The following DAB1 variants were observed in gnomAD, a reference collection of about 807,000 sequenced individuals.
DAB1 encodes the protein disabled homolog 1.
Under a neutral mutation model 64.6 loss-of-function variants are expected in DAB1, and 15 were observed. The ratio of observed to expected loss-of-function variants is 0.23; its 90% CI spans 0.16 to 0.36. DAB1 has a LOEUF of 0.36. Ranked by LOEUF, DAB1 falls within the 10% of genes least tolerant of loss-of-function variation. The pLI is 1.00. For synonymous variants in DAB1, 235 were observed against 251.9 expected, an observed-to-expected ratio of 0.93 and a Z score of 0.64; for missense variants, 596 against 706.7, an observed-to-expected ratio of 0.84 and a Z score of 1.78.
At chr1:57,464,528 G>A (rs1014264283) in intron 7 of DAB1, among the ~76,000 whole-genome samples, 1 of 152,168 alleles carries the variant, frequency 6.6e-6, no homozygotes, top group Non-Finnish European at 1.5e-5. Context: ...TAATCTTCAT[G>A]AGGCACATCT....
At chr1:58,399,155 G>GGCAT (rs1482317043) in intron 3 of DAB1, among the ~76,000 whole-genome samples, 1 of 152,204 alleles carries the variant, frequency 6.6e-6, no homozygotes, top group Non-Finnish European at 1.5e-5. Flanking sequence ...ATGGGAGACA[G>GGCAT]GCATGCATAT....
chr1:58,025,167 A>G (rs1159111982), intron 5 of DAB1, among the ~76,000 whole-genome samples: 2 of 151,760 alleles, frequency 1.3e-5, no homozygotes, highest in African/African-American at 4.8e-5. Context: ...AGAACCCCTT[A>G]TACATCTCTA....
At chr1:57,538,170 A>G (rs572956640) in intron 7 of DAB1, among the ~76,000 whole-genome samples, 2 of 152,332 alleles carry the variant, frequency 1.3e-5, no homozygotes, top group East Asian at 3.9e-4. Context: ...GGCTGAAAGA[A>G]GAGATCACAC....
chr1:57,184,048 C>T (rs760317830), intron 2 of DAB1, among the ~76,000 whole-genome samples: 16 of 151,808 alleles, frequency 1.1e-4, no homozygotes, highest in South Asian at 6.2e-4. Flanking sequence ...CTTTTTCTTA[C>T]CATTATTAAA....
chr1:57,643,113 T>G (rs749311281), intron 7 of DAB1, among the ~76,000 whole-genome samples: 5 of 152,212 alleles, frequency 3.3e-5, no homozygotes, highest in Non-Finnish European at 4.4e-5. Context: ...GGATTTCAGC[T>G]GTCACCTTTT....
chr1:58,081,590 A>G (rs1650001621), intron 5 of DAB1, among the ~76,000 whole-genome samples: 1 of 152,236 alleles, frequency 6.6e-6, no homozygotes, highest in African/African-American at 2.4e-5. Context: ...TAGTATCCCC[A>G]ACCACTGTGG....
In DAB1 at chr1:57,053,685, TA is replaced by T. The variant is rs376162435; in HGVS notation, c.723+9198del. The stretch of plus-strand genomic sequence containing the variant: ...CTATATGTATATATATATATATATA[TA>T]TATTTTTTTTTTTTTTTTTGAGACG... On this transcript the variant is annotated intron_variant, in intron 9 of 14. Coordinates refer to ENST00000371236, the MANE Select transcript of DAB1 (RefSeq NM_001365792.1). Among the ~76,000 whole-genome samples, 265 of 89,372 alleles carry T rather than the reference TA, an allele frequency of 3.0e-3. 3 individuals are homozygous for T. Among genetic ancestry groups the T allele is most frequent in the African/African-American group, 5.6e-3 (146 of 26,020 alleles). 58.6% of individuals were successfully genotyped at this position (89,372 alleles called of 152,430 possible). A position where few individuals can be genotyped will look rare whatever the true frequency, so the allele number is the denominator to read the frequency against.
At chr1:57,968,641 C>T (rs1033305451) in intron 5 of DAB1, among the ~76,000 whole-genome samples, 1 of 152,112 alleles carries the variant, frequency 6.6e-6, no homozygotes, top group Non-Finnish European at 1.5e-5. Flanking sequence ...TGTGCGTGTT[C>T]TTTAAGTCTC....
chr1:57,058,727 C>A, intron 9 of DAB1, among the ~76,000 whole-genome samples: 1 of 152,148 alleles, frequency 6.6e-6, no homozygotes, highest in East Asian at 1.9e-4. Flanking sequence ...GACCAAAGAC[C>A]GAATAGAGCA....
intron 7 of DAB1, among the ~76,000 whole-genome samples, chr1:57,435,911 T>TC (rs1365060794): frequency 6.6e-6 from 1 of 150,634 alleles, no homozygotes; most frequent in African/African-American, 2.4e-5. Flanking sequence ...ACTTTTTTTT[T>TC]CTTTCTTTTT....
At chr1:58,028,417 A>G (rs1646925629) in intron 5 of DAB1, among the ~76,000 whole-genome samples, 1 of 152,220 alleles carries the variant, frequency 6.6e-6, no homozygotes, top group Non-Finnish European at 1.5e-5. Flanking sequence ...TATTTTCTCC[A>G]TAAAGCATAC....
At chr1:58,255,257 T>C (rs984120642) in intron 4 of DAB1, among the ~76,000 whole-genome samples, 85 of 151,806 alleles carry the variant, frequency 5.6e-4, no homozygotes, top group Non-Finnish European at 9.3e-4. Flanking sequence ...TGTTTGTTTT[T>C]TTCTTGTAAA....
chr1:58,233,212 G>A, intron 4 of DAB1, among the ~76,000 whole-genome samples: 1 of 152,184 alleles, frequency 6.6e-6, no homozygotes, highest in East Asian at 1.9e-4. Flanking sequence ...TTGAAATGTA[G>A]AGAGGAGGAG....
chr1:57,604,517 G>C (rs1201994457), intron 7 of DAB1, among the ~76,000 whole-genome samples: 1 of 152,106 alleles, frequency 6.6e-6, no homozygotes, highest in East Asian at 1.9e-4. Context: ...TTCCAGCGGA[G>C]ATCTCAGACA....
At chr1:58,001,288 G>A (rs1454343674) in intron 5 of DAB1, among the ~76,000 whole-genome samples, 5 of 152,010 alleles carry the variant, frequency 3.3e-5, no homozygotes, top group Non-Finnish European at 7.4e-5. Flanking sequence ...TTTTGAGATG[G>A]AGTCTCACTC....
At chr1:57,173,548 A>G (rs1352130738) in intron 2 of DAB1, among the ~76,000 whole-genome samples, 2 of 152,200 alleles carry the variant, frequency 1.3e-5, no homozygotes, top group Admixed American at 6.5e-5. Context: ...AAACATCTGA[A>G]ACCCGAAACA....
intron 14 of DAB1, among the ~76,000 whole-genome samples, chr1:57,001,396 C>T (rs977590066): frequency 2.0e-5 from 3 of 152,204 alleles, no homozygotes; most frequent in African/African-American, 4.8e-5. Flanking sequence ...AAAGCACCTT[C>T]GCCGGGCACA....
chr1:58,132,771 A>C (rs1653707816), intron 5 of DAB1, among the ~76,000 whole-genome samples: 1 of 152,200 alleles, frequency 6.6e-6, no homozygotes, highest in South Asian at 2.1e-4. Context: ...GCTCAGACGT[A>C]GACTCCTGGG....
At chr1:57,244,502 G>C (rs533481742) in intron 2 of DAB1, among the ~76,000 whole-genome samples, 41 of 152,306 alleles carry the variant, frequency 2.7e-4, no homozygotes, top group African/African-American at 9.6e-4. Flanking sequence ...CAAAGGAACA[G>C]ACAAGAACAA....
Sources: gnomAD v4.1 joint callset for allele counts (sites outside exome capture counted in the v4.1 genomes callset) on GRCh38, gnomAD v4.1.1 for gene constraint, MANE v1.5 for transcripts, NCBI Gene and HGNC (gene_info 2026-07-23, HGNC 2026-07-21) for gene names.